Variants in CREB5 observed in about 807,000 individuals in gnomAD.
CREB5 encodes the protein cAMP responsive element binding protein 5.
A neutral mutation model predicts 57.1 loss-of-function variants in CREB5; 19 were observed. That is an observed-to-expected ratio of 0.33 (90% confidence interval 0.23 to 0.49). CREB5 has a LOEUF of 0.49. Ranked by LOEUF, CREB5 falls within the 20% of genes least tolerant of loss-of-function variation. The pLI is 0.99. For synonymous variants in CREB5, 238 were observed against 238.3 expected, an observed-to-expected ratio of 1.00 and a Z score of 0.01; for missense variants, 579 against 671.6, an observed-to-expected ratio of 0.86 and a Z score of 1.52.
intron 1 of CREB5, among the ~76,000 whole-genome samples, chr7:28,359,061 T>A (rs1016013010): frequency 3.9e-5 from 6 of 152,180 alleles, no homozygotes; most frequent in African/African-American, 1.4e-4. Context: ...CTTTAATATT[T>A]TGATCAATGA....
At position 28,824,272 on chromosome 7, in the gene CREB5, A is replaced by G. The variant is rs1004681398; in HGVS notation, c.*4993A>G. 1.1e-4 allele frequency: 17 copies of G among 152,650 alleles called. No homozygotes were observed. The highest frequency in any genetic ancestry group is 2.1e-4 in the Non-Finnish European group (14 of 68,032). The allele number at this position is 152,650 out of a possible 1,614,324, so 9.5% of individuals were successfully genotyped here. On this transcript the variant is annotated 3_prime_UTR_variant, in exon 11 of 11. Coordinates refer to ENST00000357727, the MANE Select transcript of CREB5 (RefSeq NM_182898.4). ...ATAGCATGTTTTTTAAAAATGTTAT[A>G]TTATGCAACAGATGTGAGGCAGCAG...
chr7:28,379,149 T>C (rs1391330765), intron 1 of CREB5, among the ~76,000 whole-genome samples: 1 of 152,228 alleles, frequency 6.6e-6, no homozygotes, highest in Non-Finnish European at 1.5e-5. Flanking sequence ...AAAAATTAAA[T>C]TTATATTGGA....
At position 28,736,625 on chromosome 7, in the gene CREB5, AC is replaced by A. The variant is rs571676016; in HGVS notation, c.702+12296del. 2.4e-4 allele frequency among the ~76,000 whole-genome samples: 37 copies of A among 152,214 alleles called. No individual in the cohort carries two copies. In the East Asian group the frequency reaches 7.0e-3, roughly 29 times the overall value. On this transcript the variant is annotated intron_variant, in intron 7 of 10. Transcript: ENST00000357727. ...CAGCAAGTGGCCAACAAGGATTTGA[AC>A]CCAGCTCTGGTTTCAAATCTCACAT...
At chr7:28,512,523 A>C (rs1054559664) in intron 4 of CREB5, among the ~76,000 whole-genome samples, 7 of 152,244 alleles carry the variant, frequency 4.6e-5, no homozygotes, top group Non-Finnish European at 8.8e-5. Context: ...AAAAACAAAA[A>C]TATTTTTAAA....
intron 1 of CREB5, among the ~76,000 whole-genome samples, chr7:28,422,620 G>A (rs548274996): frequency 6.6e-6 from 1 of 152,246 alleles, no homozygotes; most frequent in East Asian, 1.9e-4. Flanking sequence ...CAATGCTATG[G>A]TTATATGGAC....
chr7:28,337,224 C>A (rs1334520606), intron 1 of CREB5, among the ~76,000 whole-genome samples: 1 of 151,958 alleles, frequency 6.6e-6, no homozygotes, highest in East Asian at 1.9e-4. Flanking sequence ...ATCTACAGTG[C>A]AGATTAAGTT....
At chr7:28,620,229 T>C (rs1047883405) in intron 5 of CREB5, among the ~76,000 whole-genome samples, 13 of 152,208 alleles carry the variant, frequency 8.5e-5, no homozygotes, top group African/African-American at 3.1e-4. Flanking sequence ...CACTTTGTTC[T>C]TGTTTTATTA....
intron 1 of CREB5, among the ~76,000 whole-genome samples, chr7:28,481,418 G>A (rs113014720): frequency 2.6e-5 from 4 of 152,222 alleles, no homozygotes; most frequent in African/African-American, 9.6e-5. Context: ...GCCTTCTGGG[G>A]GAGACTACTG....
intron 7 of CREB5, among the ~76,000 whole-genome samples, chr7:28,792,585 C>T (rs1284775895): frequency 6.6e-6 from 1 of 152,214 alleles, no homozygotes; most frequent in Non-Finnish European, 1.5e-5. Context: ...TAGACACACA[C>T]ACGGCCAGAT....
chr7:28,536,834 C>T (rs1048293818), intron 4 of CREB5, among the ~76,000 whole-genome samples: 2 of 152,168 alleles, frequency 1.3e-5, no homozygotes, highest in African/African-American at 4.8e-5. Context: ...CCATCTTAAG[C>T]TTAGCATACT....
intron 5 of CREB5, among the ~76,000 whole-genome samples, chr7:28,638,681 GCAC>G (rs903388515): frequency 6.6e-6 from 1 of 152,094 alleles, no homozygotes; most frequent in Non-Finnish European, 1.5e-5. Flanking sequence ...AAGAGAGAAT[GCAC>G]CAATACAATT....
intron 1 of CREB5, among the ~76,000 whole-genome samples, chr7:28,376,271 CTTT>C (rs11386292): frequency 3.1e-5 from 4 of 130,562 alleles, no homozygotes; most frequent in Admixed American, 8.0e-5. Context: ...CAGAGAAGTA[CTTT>C]TTTTTTTTTT....
chr7:28,727,260 C>T (rs1171425718), intron 7 of CREB5, among the ~76,000 whole-genome samples: 2 of 152,026 alleles, frequency 1.3e-5, no homozygotes, highest in East Asian at 1.9e-4. Flanking sequence ...TCACAATGCA[C>T]GTATTGGATT....
chr7:28,742,470 G>T (rs1388692756), intron 7 of CREB5, among the ~76,000 whole-genome samples: 2 of 151,998 alleles, frequency 1.3e-5, no homozygotes, highest in African/African-American at 2.4e-5. Flanking sequence ...GGAGGCTGAG[G>T]CAGGAGAATG....
At chr7:28,621,445 T>A (rs527778715) in intron 5 of CREB5, among the ~76,000 whole-genome samples, 1 of 152,360 alleles carries the variant, frequency 6.6e-6, no homozygotes. Context: ...ACTCTCATGT[T>A]TAGGTCATAG....
intron 7 of CREB5, among the ~76,000 whole-genome samples, chr7:28,802,890 A>C (rs2128799326): frequency 6.6e-6 from 1 of 152,396 alleles, no homozygotes; most frequent in Non-Finnish European, 1.5e-5. Flanking sequence ...CATTTCTGAC[A>C]TGTAAAAATT....
chr7:28,593,512 G>T (rs954907371), intron 5 of CREB5, among the ~76,000 whole-genome samples: 6 of 152,208 alleles, frequency 3.9e-5, no homozygotes, highest in Non-Finnish European at 7.3e-5. Flanking sequence ...GCCTCCAAAA[G>T]CACTGGGATT....
intron 7 of CREB5, among the ~76,000 whole-genome samples, chr7:28,778,614 A>T (rs531919391): frequency 6.6e-6 from 1 of 152,306 alleles, no homozygotes; most frequent in East Asian, 1.9e-4. Flanking sequence ...ATGAATTCAA[A>T]TTACTTTTAT....
At chr7:28,711,545 T>C (rs1334570176) in intron 5 of CREB5, among the ~76,000 whole-genome samples, 5 of 152,194 alleles carry the variant, frequency 3.3e-5, no homozygotes, top group Non-Finnish European at 7.3e-5. Flanking sequence ...CTTTTAAAAA[T>C]ATGGGTCAGG....
Sources: gnomAD v4.1 joint callset for allele counts (sites outside exome capture counted in the v4.1 genomes callset) on GRCh38, gnomAD v4.1.1 for gene constraint, MANE v1.5 for transcripts, NCBI Gene and HGNC (gene_info 2026-07-23, HGNC 2026-07-21) for gene names.